The following IL10RA variants were observed in gnomAD, a reference collection of about 807,000 sequenced individuals.
IL10RA encodes interleukin-10 receptor subunit alpha.
Under a neutral mutation model 29.6 loss-of-function variants are expected in IL10RA, and 18 were observed. The observed-to-expected ratio is 0.61, with a 90% confidence interval of 0.42 to 0.90. IL10RA has a LOEUF of 0.90. Ranked by LOEUF, IL10RA falls within the 40% of genes least tolerant of loss-of-function variation. The probability of loss-of-function intolerance (pLI) is 0.00; values close to 1 mark genes in which losing one functional copy is unlikely to be tolerated. For synonymous variants in IL10RA, 292 were observed against 294.1 expected (o/e 0.99, Z 0.07); for missense variants, 634 against 716.6 (o/e 0.88, Z 1.32).
In IL10RA at chr11:117,998,728, C is replaced by T. The variant is rs763599491; in HGVS notation, c.824C>T (p.Pro275Leu). 8.7e-6 allele frequency: 14 copies of T among 1,613,930 alleles called. No homozygotes were observed. The highest frequency in any genetic ancestry group is 2.2e-5 in the East Asian group (1 of 44,894). ...KLPSVLLFKK[P>L]SPFIFISQRP... ...TCTCTTCCCCAGCTCTTCAAGAAGC[C>T]CAGCCCCTTCATCTTCATCAGCCAG... The change falls in exon 7 of 7, where the codon CCC becomes CTC. Residue 275 changes from proline (P) to leucine (L), a missense_variant. Coordinates refer to ENST00000227752, the MANE Select transcript of IL10RA (RefSeq NM_001558.4).
At position 117,998,594 on chromosome 11, in the gene IL10RA, G is replaced by A. The variant is rs2058070815; in HGVS notation, c.811-121G>A. 8.6e-6 allele frequency: 7 copies of A among 814,698 alleles called. No homozygotes were observed. The Admixed American group carries it at 9.9e-5, about 12-fold the overall frequency. 50.5% of individuals were successfully genotyped at this position (814,698 alleles called of 1,614,324 possible). On this transcript the variant is annotated intron_variant, in intron 6 of 6. Transcript: ENST00000227752. The stretch of plus-strand genomic sequence containing the variant: ...AAAACAAAACAGAATACATTCCAGT[G>A]TAATTTAGACTGTAGTCTCCTCCAT...
chr11:117,995,433 T>A (rs985996434), intron 5 of IL10RA, 156 bp from the exon 6 acceptor site: 9 of 901,118 alleles, frequency 1.0e-5, no homozygotes, highest in Non-Finnish European at 1.6e-5. Context: ...CGCAGAAACC[T>A]AGACACATCT....
rs766756848 is a variant in IL10RA, at chr11:118,000,237, C to G, written c.*596C>G. On this transcript the variant is annotated 3_prime_UTR_variant, in exon 7 of 7. Coordinates refer to ENST00000227752, the MANE Select transcript of IL10RA (RefSeq NM_001558.4). ...TTAAGGTATATATTTTCTGGACACT[C>G]AAACACATCATAATGGATTCACTGA... is the stretch of plus-strand genomic sequence containing the variant. The G allele has an allele frequency of 2.2e-6, 1 of 454,198 alleles. No individual in the cohort carries two copies. The highest frequency in any genetic ancestry group is 1.6e-5 in the South Asian group (1 of 64,470). The allele number at this position is 454,198 out of a possible 1,614,324, so 28.1% of individuals were successfully genotyped here.
intron 5 of IL10RA, among the ~76,000 whole-genome samples, chr11:117,994,468 A>T (rs926420121): frequency 1.3e-5 from 2 of 152,082 alleles, no homozygotes. Flanking sequence ...ATCTTCAGTG[A>T]GCTGTGCTAG....
At chr11:117,997,058 T>C (rs890848485) in intron 6 of IL10RA, among the ~76,000 whole-genome samples, 2 of 152,256 alleles carry the variant, frequency 1.3e-5, no homozygotes, top group African/African-American at 2.4e-5. Context: ...CTTGTTTGAT[T>C]TGATCTTTCA....
At chr11:117,986,830 G>GT (rs1272115194) in intron 1 of IL10RA, 1 of 1,480,718 alleles carries the variant, frequency 6.8e-7, no homozygotes, top group East Asian at 2.8e-5. Flanking sequence ...TTAGCTCTAG[G>GT]TTTTTTGCTG....
At chr11:117,996,092 T>A (rs2058054335) in intron 6 of IL10RA, among the ~76,000 whole-genome samples, 1 of 152,192 alleles carries the variant, frequency 6.6e-6, no homozygotes, top group African/African-American at 2.4e-5. Context: ...AGAGAGATTG[T>A]TACACACAGA....
In IL10RA at chr11:118,000,235, C is replaced by T. The variant is rs1273888568; in HGVS notation, c.*594C>T. Reference sequence around the variant, plus strand: ...TCTTAAGGTATATATTTTCTGGACACTCAAACACATCATAATGGATTCACT... The same window carrying T: ...TCTTAAGGTATATATTTTCTGGACATTCAAACACATCATAATGGATTCACT... On this transcript the variant is annotated 3_prime_UTR_variant, in exon 7 of 7. Transcript: ENST00000227752. 2.2e-6 allele frequency: 1 copy of T among 454,108 alleles called. No individual in the cohort carries two copies. Among genetic ancestry groups the T allele is most frequent in the Non-Finnish European group, 4.4e-6 (1 of 226,804 alleles). 28.1% of individuals were successfully genotyped at this position (454,108 alleles called of 1,614,324 possible). A position where few individuals can be genotyped will look rare whatever the true frequency, so the allele number is the denominator to read the frequency against.
intron 6 of IL10RA, 110 bp downstream of exon 6, chr11:117,995,820 T>A: frequency 8.5e-7 from 1 of 1,173,670 alleles, no homozygotes; most frequent in Admixed American, 2.0e-5. Context: ...AGCTTGCCTC[T>A]GCTCTCAGCC....
At chr11:117,998,356 G>A (rs1423627884) in intron 6 of IL10RA, among the ~76,000 whole-genome samples, 2 of 152,140 alleles carry the variant, frequency 1.3e-5, no homozygotes, top group Non-Finnish European at 2.9e-5. Context: ...CTGATTTTGA[G>A]TCATAGTCAA....
chr11:117,989,604 C>G lies in IL10RA; in HGVS notation c.351C>G (p.Arg117=), dbSNP rs2058009431. The stretch of plus-strand genomic sequence containing the variant: ...CCAACTGGACCGTCACCAACACCCG[C>G]TTCTCTGTGGATGAAGGTGCTTTTC... ...RHSNWTVTNT[R]FSVDEVTLTV... The change falls in exon 3 of 7, where the codon CGC becomes CGG. Residue 117 remains arginine, a synonymous_variant. Coordinates refer to ENST00000227752, the MANE Select transcript of IL10RA (RefSeq NM_001558.4). The surrounding 1 kb of genome is among the most constrained non-coding windows in gnomAD (Gnocchi z 4.5). 6.2e-7 allele frequency: 1 copy of G among 1,613,994 alleles called. No individual in the cohort carries two copies. Among genetic ancestry groups the G allele is most frequent in the African/African-American group, 1.3e-5 (1 of 74,936 alleles).
chr11:118,000,661 T>C lies in IL10RA; in HGVS notation c.*1020T>C. 1 of 454,232 alleles carries C rather than the reference T, an allele frequency of 2.2e-6. No homozygotes were observed. Among genetic ancestry groups the C allele is most frequent in the South Asian group, 1.6e-5 (1 of 64,480 alleles). 28.1% of individuals were successfully genotyped at this position (454,232 alleles called of 1,614,324 possible). Reference sequence around the variant, plus strand: ...GCCTTGTTGGTGTTCAGCTGTGTGATTTTGGACTAGCCACTTGTCAGAGGG... The same window carrying C: ...GCCTTGTTGGTGTTCAGCTGTGTGACTTTGGACTAGCCACTTGTCAGAGGG... On this transcript the variant is annotated 3_prime_UTR_variant, in exon 7 of 7. Transcript: ENST00000227752.
rs1327527158 is a variant in IL10RA at position 117,999,304 on chromosome 11, C to T, written c.1400C>T (p.Ser467Leu). Reference protein sequence around the residue: ...ATKTGCLEEESPLTDGLGPKF... With the variant: ...ATKTGCLEEELPLTDGLGPKF... ...AAGACAGGCTGCCTGGAGGAAGAAT[C>T]GCCCTTGACAGATGGCCTTGGCCCC... Residue 467 changes from serine (S) to leucine (L), a missense_variant, in exon 7 of 7, where the codon TCG (serine) becomes TTG (leucine). By Grantham distance (145) the Ser-to-Leu change is moderately radical. Transcript: ENST00000227752. 1.9e-6 allele frequency: 3 copies of T among 1,614,208 alleles called. No homozygotes were observed. The highest frequency in any genetic ancestry group is 2.5e-6 in the Non-Finnish European group (3 of 1,180,010).
chr11:117,999,884 T>G lies in IL10RA; in HGVS notation c.*243T>G. The G allele has an allele frequency of 1.5e-6, 1 of 670,850 alleles. No homozygotes were observed. The allele number at this position is 670,850 out of a possible 1,614,324, so 41.6% of individuals were successfully genotyped here. On this transcript the variant is annotated 3_prime_UTR_variant, in exon 7 of 7. Transcript: ENST00000227752. Reference sequence around the variant, plus strand: ...TGACCTGTTCTGTTGACTGGGGCCCTGCAGACTCTGGCAGAGCTGAGAAGG... The same window carrying G: ...TGACCTGTTCTGTTGACTGGGGCCCGGCAGACTCTGGCAGAGCTGAGAAGG...
chr11:117,999,945 T>C lies in IL10RA; in HGVS notation c.*304T>C, dbSNP rs1216925582. ...TCTCCCTCCTAGGAACTCTTTCCTGTATCATAAAGGATTATTTGCTCAGGG... is the reference window on the plus strand; with the variant it reads ...TCTCCCTCCTAGGAACTCTTTCCTGCATCATAAAGGATTATTTGCTCAGGG... On this transcript the variant is annotated 3_prime_UTR_variant, in exon 7 of 7. Coordinates refer to ENST00000227752, the MANE Select transcript of IL10RA (RefSeq NM_001558.4). 8 of 565,390 alleles carry C rather than the reference T, an allele frequency of 1.4e-5. No individual in the cohort carries two copies. The highest frequency in any genetic ancestry group is 2.2e-5 in the Admixed American group (1 of 45,786). The allele number at this position is 565,390 out of a possible 1,614,324, so 35.0% of individuals were successfully genotyped here. A position where few individuals can be genotyped will look rare whatever the true frequency, so the allele number is the denominator to read the frequency against.
intron 1 of IL10RA, 103 bp from the exon 2 acceptor site, chr11:117,988,279 G>A: frequency 6.7e-7 from 1 of 1,489,384 alleles, no homozygotes; most frequent in Non-Finnish European, 9.3e-7. Flanking sequence ...CTGGCCTCGG[G>A]CGAGTCATAG....
chr11:117,990,639 C>T (rs984045634), intron 3 of IL10RA, among the ~76,000 whole-genome samples: 21 of 152,028 alleles, frequency 1.4e-4, no homozygotes, highest in African/African-American at 5.1e-4. Context: ...GATGACCCTC[C>T]CCTGCCACCA....
In IL10RA at chr11:117,995,705, G is replaced by A. The variant is rs774958186; in HGVS notation, c.805G>A (p.Val269Ile). The A allele has an allele frequency of 5.6e-6, 9 of 1,613,346 alleles. No individual in the cohort carries two copies. Among genetic ancestry groups the A allele is most frequent in the Non-Finnish European group, 7.6e-6 (9 of 1,180,024 alleles). ...YVRRRKKLPS[V>I]LLFKKPSPFI... ...GCGGCGCCGAAAGAAGCTACCCAGT[G>A]TCCTGGTGAGTCTTGCAAGGAGGTC... Residue 269 changes from valine (V) to isoleucine (I), a missense_variant, in exon 6 of 7, where the codon GTC (valine) becomes ATC (isoleucine). By Grantham distance (29) the Val-to-Ile change is conservative. Coordinates refer to ENST00000227752, the MANE Select transcript of IL10RA (RefSeq NM_001558.4).
intron 2 of IL10RA, 125 bp downstream of exon 2, chr11:117,988,627 C>T: frequency 1.8e-6 from 2 of 1,105,082 alleles, no homozygotes; most frequent in Non-Finnish European, 2.7e-6. Context: ...TAACACATAG[C>T]CAGCAGTTGA....
Sources: allele counts gnomAD v4.1 joint callset (sites outside exome capture counted in the v4.1 genomes callset), GRCh38; gene constraint gnomAD v4.1.1; non-coding constraint Gnocchi (gnomAD v3.1); transcripts MANE v1.5; gene names NCBI Gene and HGNC (gene_info 2026-07-23, HGNC 2026-07-21).